KLHL1: variants seen among roughly 807,000 people sequenced by gnomAD.
KLHL1 encodes the protein kelch-like protein 1.
A neutral mutation model predicts 77.7 loss-of-function variants in KLHL1; 47 were observed. The ratio of observed to expected loss-of-function variants is 0.60; its 90% CI spans 0.48 to 0.77. KLHL1 has a LOEUF of 0.77. Ranked by LOEUF, KLHL1 falls within the 30% of genes least tolerant of loss-of-function variation. The probability of loss-of-function intolerance (pLI) is 0.00; values close to 1 mark genes in which losing one functional copy is unlikely to be tolerated. For synonymous variants in KLHL1, 360 were observed against 325.2 expected (o/e 1.11, Z -1.15); for missense variants, 925 against 910.8 (o/e 1.02, Z -0.20).
Position 69,882,488 on chromosome 13 carries a change from A to G in KLHL1, c.1022T>C (p.Ile341Thr), listed in dbSNP as rs1881038426. 1 of 1,610,362 alleles carries G rather than the reference A, an allele frequency of 6.2e-7. No individual in the cohort carries two copies. The highest frequency in any genetic ancestry group is 1.7e-5 in the Admixed American group (1 of 59,972). The change falls in exon 5 of 11, where the codon ATA becomes ACA. Residue 341 changes from isoleucine (I) to threonine (T), a missense_variant. Coordinates refer to ENST00000377844, the MANE Select transcript of KLHL1 (RefSeq NM_020866.3). ...CTCTTGATTTCTGATAACTTCCATT[A>G]TGTTTTCCTGCAGGGAGAAAATATC... ...KVAHSYTMEN[I>T]MEVIRNQEFL... is the part of the protein sequence containing the mutation.
chr13:69,752,319 A>G (rs185938957), intron 7 of KLHL1, among the ~76,000 whole-genome samples: 1 of 152,066 alleles, frequency 6.6e-6, no homozygotes, highest in East Asian at 1.9e-4. Context: ...ATTTCTGAGG[A>G]CTCTATCTAT....
chr13:70,066,111 A>C (rs1886999506), intron 1 of KLHL1, among the ~76,000 whole-genome samples: 1 of 152,208 alleles, frequency 6.6e-6, no homozygotes, highest in Non-Finnish European at 1.5e-5. Context: ...AACTAAATCA[A>C]GCAACACAAG....
At chr13:69,833,102 G>C (rs1878828006) in intron 6 of KLHL1, among the ~76,000 whole-genome samples, 1 of 151,944 alleles carries the variant, frequency 6.6e-6, no homozygotes, top group South Asian at 2.1e-4. Context: ...AAGATAAATA[G>C]ATAGGCCTTA....
intron 4 of KLHL1, among the ~76,000 whole-genome samples, chr13:69,900,356 C>T (rs1399565459): frequency 6.6e-6 from 1 of 152,174 alleles, no homozygotes; most frequent in Non-Finnish European, 1.5e-5. Context: ...TCAATGCATG[C>T]TGCAGCATGG....
chr13:70,047,399 TTGTGTG>T (rs140790054), intron 1 of KLHL1, among the ~76,000 whole-genome samples: 46 of 149,886 alleles, frequency 3.1e-4, no homozygotes, highest in African/African-American at 9.0e-4. Context: ...GGAAATCTGT[TTGTGTG>T]TGTGTGTGTG....
intron 1 of KLHL1, among the ~76,000 whole-genome samples, chr13:70,105,597 T>G (rs957214000): frequency 6.6e-6 from 1 of 151,384 alleles, no homozygotes; most frequent in African/African-American, 2.4e-5. Flanking sequence ...AGTTTCCTTT[T>G]GAATATATAA....
intron 1 of KLHL1, among the ~76,000 whole-genome samples, chr13:70,051,372 A>G (rs189522383): frequency 2.8e-4 from 43 of 152,128 alleles, no homozygotes; most frequent in Non-Finnish European, 4.6e-4. Context: ...AATTGCCTTC[A>G]GCTTTTCAGG....
intron 7 of KLHL1, among the ~76,000 whole-genome samples, chr13:69,790,452 C>A (rs538692857): frequency 6.6e-6 from 1 of 152,190 alleles, no homozygotes; most frequent in Non-Finnish European, 1.5e-5. Context: ...ATCCATGGTG[C>A]CAATATTACC....
chr13:70,029,435 T>C (rs1886037228), intron 1 of KLHL1, among the ~76,000 whole-genome samples: 1 of 152,042 alleles, frequency 6.6e-6, no homozygotes, highest in African/African-American at 2.4e-5. Context: ...CAGAAAAGAG[T>C]GGGGGCCAAT....
At chr13:69,850,313 A>G (rs147414757) in intron 5 of KLHL1, among the ~76,000 whole-genome samples, 171 of 151,556 alleles carry the variant, frequency 1.1e-3, no homozygotes, top group African/African-American at 3.8e-3. Flanking sequence ...GCTACTTCAA[A>G]CTTTTTTTTG....
intron 1 of KLHL1, among the ~76,000 whole-genome samples, chr13:70,039,967 G>A (rs1192495003): frequency 6.6e-6 from 1 of 152,040 alleles, no homozygotes; most frequent in Non-Finnish European, 1.5e-5. Flanking sequence ...GGGTTTTCCA[G>A]TGTAAATCTT....
chr13:70,005,946 A>G (rs1317267830), intron 1 of KLHL1, among the ~76,000 whole-genome samples: 1 of 152,040 alleles, frequency 6.6e-6, no homozygotes, highest in Non-Finnish European at 1.5e-5. Context: ...GTTGTACTGC[A>G]GATCTCTAGA....
At chr13:69,773,691 T>C (rs1875687626) in intron 7 of KLHL1, among the ~76,000 whole-genome samples, 1 of 151,896 alleles carries the variant, frequency 6.6e-6, no homozygotes, top group Non-Finnish European at 1.5e-5. Flanking sequence ...AATTAGTAAA[T>C]GACACTCTAC....
intron 7 of KLHL1, among the ~76,000 whole-genome samples, chr13:69,794,197 G>T (rs1876998761): frequency 6.6e-6 from 1 of 152,112 alleles, no homozygotes; most frequent in Non-Finnish European, 1.5e-5. Flanking sequence ...CAACCCCTGA[G>T]GTCTACATAC....
chr13:69,952,789 G>A (rs1304567969), intron 3 of KLHL1, among the ~76,000 whole-genome samples: 1 of 151,248 alleles, frequency 6.6e-6, no homozygotes, highest in East Asian at 1.9e-4. Context: ...TGGGAAAATG[G>A]ACTCTTCATT....
chr13:69,705,579 C>T lies in KLHL1; in HGVS notation c.2187+2046G>A, dbSNP rs1322285711. Among the ~76,000 whole-genome samples the T allele has an allele frequency of 2.6e-5, 4 of 151,748 alleles. No homozygotes were observed. In the East Asian group the frequency reaches 7.7e-4, roughly 29 times the overall value. On this transcript the variant is annotated intron_variant, in intron 10 of 10. Transcript: ENST00000377844. ...AAAACTTTTCAAGTAGGCTAGAATC[C>T]TGAAAATTTTTAAAGGGATTTTGTG...
At chr13:69,944,904 A>G (rs1883469876) in intron 3 of KLHL1, among the ~76,000 whole-genome samples, 1 of 151,832 alleles carries the variant, frequency 6.6e-6, no homozygotes, top group Non-Finnish European at 1.5e-5. Context: ...TATTTGATGT[A>G]TACCCCAAAT....
intron 1 of KLHL1, among the ~76,000 whole-genome samples, chr13:70,067,538 G>C (rs1887038737): frequency 6.6e-6 from 1 of 152,056 alleles, no homozygotes; most frequent in South Asian, 2.1e-4. Context: ...CCCAGGCTGT[G>C]GTTCAAATAA....
At chr13:69,995,396 A>C (rs1407551001) in intron 1 of KLHL1, among the ~76,000 whole-genome samples, 1 of 152,146 alleles carries the variant, frequency 6.6e-6, no homozygotes, top group Non-Finnish European at 1.5e-5. Context: ...TACTTGGTCT[A>C]TTTAATTAGA....
Sources: allele counts gnomAD v4.1 joint callset (sites outside exome capture counted in the v4.1 genomes callset), GRCh38; gene constraint gnomAD v4.1.1; transcripts MANE v1.5; gene names NCBI Gene and HGNC (gene_info 2026-07-23, HGNC 2026-07-21).